Variants in GDPD1 observed in about 807,000 individuals in gnomAD.
GDPD1 encodes glycerophosphodiester phosphodiesterase domain containing 1, also known as lysophospholipase D GDPD1.
A neutral mutation model predicts 45.1 loss-of-function variants in GDPD1; 28 were observed. That is an observed-to-expected ratio of 0.62 (90% CI 0.46 to 0.85). The LOEUF (loss-of-function observed/expected upper bound fraction) is 0.85. GDPD1 is among the 40% of genes least tolerant of loss of function. GDPD1 has a pLI of 0.00. For missense variants in GDPD1, 256 were observed against 364.8 expected, an observed-to-expected ratio of 0.70 and a Z score of 2.43; for synonymous variants, 139 against 131.4, an observed-to-expected ratio of 1.06 and a Z score of -0.40.
chr17:59,225,708 T>A (rs1389193708), intron 1 of GDPD1, among the ~76,000 whole-genome samples: 5 of 152,114 alleles, frequency 3.3e-5, no homozygotes, highest in African/African-American at 1.2e-4. Context: ...TAAAATTGAT[T>A]CAAAATTTAT....
At chr17:59,267,694 A>T (rs1043729475) in intron 7 of GDPD1, among the ~76,000 whole-genome samples, 1 of 143,764 alleles carries the variant, frequency 7.0e-6, no homozygotes, top group Non-Finnish European at 1.5e-5. Context: ...TTTGAGATGG[A>T]GTTTTGCTGT....
chr17:59,253,353 G>A (rs2047270575), intron 4 of GDPD1, among the ~76,000 whole-genome samples: 1 of 152,128 alleles, frequency 6.6e-6, no homozygotes, highest in African/African-American at 2.4e-5. Flanking sequence ...TAAGCTGGCT[G>A]AGGCATCTAA....
intron 1 of GDPD1, among the ~76,000 whole-genome samples, chr17:59,223,964 C>CT (rs1381450087): frequency 1.3e-5 from 2 of 151,742 alleles, no homozygotes; most frequent in Non-Finnish European, 2.9e-5. Flanking sequence ...CTCTCTCCAC[C>CT]TTTTTTTTGA....
At position 59,245,484 on chromosome 17, in the gene GDPD1, T is replaced by C. The variant is rs774043039; in HGVS notation, c.256T>C (p.Ser86Pro). Reference protein sequence around the residue: ...HITKDEQVVVSHDENLKRATG... With the variant: ...HITKDEQVVVPHDENLKRATG... ...CACAAAAGATGAACAAGTTGTAGTG[T>C]CACATGATGAGAATCTAAAGAGAGC... Residue 86 changes from serine to proline, a missense_variant, in exon 3 of 10, where the codon TCA (serine) becomes CCA (proline). Transcript: ENST00000284116. The C allele has an allele frequency of 6.2e-7, 1 of 1,609,378 alleles. No homozygotes were observed. Among genetic ancestry groups the C allele is most frequent in the South Asian group, 1.1e-5 (1 of 90,944 alleles).
Position 59,274,550 on chromosome 17 carries a change from C to G in GDPD1, c.*777C>G, listed in dbSNP as rs1382554906. ...AAAAAAAAAAAATGGGAGGCCGAGG[C>G]GGGCGGATCACGAGGTCAGGAGATC... is the stretch of plus-strand genomic sequence containing the variant. On this transcript the variant is annotated 3_prime_UTR_variant, in exon 10 of 10. Coordinates refer to ENST00000284116, the MANE Select transcript of GDPD1 (RefSeq NM_182569.4). The G allele has an allele frequency of 9.6e-5, 13 of 135,150 alleles. No individual in the cohort carries two copies. Among genetic ancestry groups the G allele is most frequent in the Non-Finnish European group, 1.9e-4 (12 of 64,668 alleles). The allele number at this position is 135,150 out of a possible 1,614,324, so 8.4% of individuals were successfully genotyped here. A position where few individuals can be genotyped will look rare whatever the true frequency, so the allele number is the denominator to read the frequency against.
At chr17:59,255,856 CGT>C (rs1491133625) in intron 4 of GDPD1, among the ~76,000 whole-genome samples, 13 of 72,908 alleles carry the variant, frequency 1.8e-4, no homozygotes, top group African/African-American at 3.9e-4. Context: ...TATATACACA[CGT>C]ATATATATAT....
intron 6 of GDPD1, among the ~76,000 whole-genome samples, chr17:59,259,357 G>A (rs575254243): frequency 6.1e-4 from 93 of 151,700 alleles, no homozygotes; most frequent in Middle Eastern, 6.8e-3. Flanking sequence ...CACGAGGTTG[G>A]GAGATTGAGA....
At chr17:59,252,521 GCCA>G (rs2047263025) in intron 4 of GDPD1, among the ~76,000 whole-genome samples, 1 of 151,848 alleles carries the variant, frequency 6.6e-6, no homozygotes, top group Non-Finnish European at 1.5e-5. Context: ...TTAGTCATGA[GCCA>G]CCATGCCTGG....
chr17:59,260,003 G>A (rs2047341865), intron 6 of GDPD1, among the ~76,000 whole-genome samples: 1 of 126,348 alleles, frequency 7.9e-6, no homozygotes, highest in Non-Finnish European at 1.6e-5. Flanking sequence ...AGAGGTTGCA[G>A]TGAGCCAAGA....
chr17:59,260,811 T>G (rs550312175), intron 6 of GDPD1: 26 of 152,284 alleles, frequency 1.7e-4, no homozygotes, highest in Admixed American at 1.7e-3. Context: ...ATTTCTTTAT[T>G]TCTCCACTCC....
intron 4 of GDPD1, among the ~76,000 whole-genome samples, chr17:59,255,762 A>AAAATAT (rs1281572220): frequency 2.3e-5 from 1 of 44,354 alleles, no homozygotes; most frequent in Non-Finnish European, 3.5e-5. Flanking sequence ...AAAAAAAAAA[A>AAAATAT]ATATATATAT....
At chr17:59,259,334 G>A (rs187295796) in intron 6 of GDPD1, among the ~76,000 whole-genome samples, 228 of 151,578 alleles carry the variant, frequency 1.5e-3, no homozygotes, top group Non-Finnish European at 2.6e-3. Context: ...TTGGGAGGCC[G>A]AGGAGGGCGG....
intron 6 of GDPD1, among the ~76,000 whole-genome samples, chr17:59,258,085 C>G (rs545990316): frequency 6.6e-6 from 1 of 152,080 alleles, no homozygotes; most frequent in East Asian, 1.9e-4. Context: ...CACCACTGCA[C>G]CCAGCTAATT....
chr17:59,229,238 C>T (rs1468607161), intron 1 of GDPD1, among the ~76,000 whole-genome samples: 1 of 150,438 alleles, frequency 6.6e-6, no homozygotes, highest in Non-Finnish European at 1.5e-5. Context: ...ACTGCAAACT[C>T]TACCTCCTGG....
intron 6 of GDPD1, among the ~76,000 whole-genome samples, chr17:59,260,145 A>G (rs1395967929): frequency 6.6e-6 from 1 of 150,670 alleles, no homozygotes; most frequent in East Asian, 1.9e-4. Context: ...TAAACTTCCA[A>G]ATAGATTTAA....
At chr17:59,235,987 C>T (rs2047129109) in intron 2 of GDPD1, among the ~76,000 whole-genome samples, 1 of 152,088 alleles carries the variant, frequency 6.6e-6, no homozygotes, top group South Asian at 2.1e-4. Context: ...AACATATACA[C>T]ACACTATCAT....
chr17:59,259,190 G>C (rs1348480181), intron 6 of GDPD1, among the ~76,000 whole-genome samples: 1 of 151,488 alleles, frequency 6.6e-6, no homozygotes, highest in Non-Finnish European at 1.5e-5. Context: ...AGCACTTTGG[G>C]AGGCCGAGGC....
chr17:59,257,371 A>C lies in GDPD1; in HGVS notation c.486+131A>C, dbSNP rs945388526. ...TACCCTAGGGATCAGCATTGTTTTA[A>C]ATAATGCCTTAGTAGAAGAGATCAT... On this transcript the variant is annotated intron_variant, in intron 5 of 9. Transcript: ENST00000284116. The C allele has an allele frequency of 1.7e-5, 10 of 596,796 alleles. No homozygotes were observed. In the East Asian group the frequency reaches 2.6e-4, roughly 16 times the overall value. 37.0% of individuals were successfully genotyped at this position (596,796 alleles called of 1,614,324 possible).
intron 6 of GDPD1, among the ~76,000 whole-genome samples, chr17:59,263,908 T>C (rs1006082650): frequency 5.3e-5 from 8 of 152,200 alleles, no homozygotes; most frequent in African/African-American, 1.7e-4. Context: ...ATGTGGCGCT[T>C]AATGACTTTT....
Sources: gnomAD v4.1 joint callset for allele counts (sites outside exome capture counted in the v4.1 genomes callset) on GRCh38, gnomAD v4.1.1 for gene constraint, MANE v1.5 for transcripts, NCBI Gene and HGNC (gene_info 2026-07-23, HGNC 2026-07-21) for gene names.